The following PCMTD2 variants were observed in gnomAD, a reference collection of about 807,000 sequenced individuals.
The protein encoded by PCMTD2 is protein-L-isoaspartate O-methyltransferase domain-containing protein 2.
In PCMTD2, 16 loss-of-function variants were observed where a neutral mutation model predicts 33.4. The ratio of observed to expected loss-of-function variants is 0.48; its 90% CI spans 0.32 to 0.73. PCMTD2 has a LOEUF of 0.73. Among genes scored for constraint, PCMTD2 ranks in the 30% least tolerant of loss-of-function variants. The pLI is 0.03. For synonymous variants in PCMTD2, 161 were observed against 160.8 expected, an observed-to-expected ratio of 1.00 and a Z score of -0.01; for missense variants, 374 against 449.9, an observed-to-expected ratio of 0.83 and a Z score of 1.53.
At chr20:64,256,018 G>A (rs1475242836) in intron 1 of PCMTD2, 148 bp downstream of exon 1, 2 of 149,474 alleles carry the variant, frequency 1.3e-5, no homozygotes, top group Admixed American at 1.3e-4. Flanking sequence ...TCCCCACCTC[G>A]GGCACCCTCA....
Position 64,265,438 on chromosome 20 carries a change from C to G in PCMTD2, c.582+9C>G. On this transcript the variant is annotated intron_variant, in intron 4 of 5. Transcript: ENST00000308824. Reference sequence around the variant, plus strand: ...TGCCACTGGAAGAGAAGGTCAGATTCCCTTCATAACTGACATTTCTGCACA... The same window carrying G: ...TGCCACTGGAAGAGAAGGTCAGATTGCCTTCATAACTGACATTTCTGCACA... The G allele has an allele frequency of 6.2e-7, 1 of 1,600,766 alleles. No individual in the cohort carries two copies.
Position 64,273,370 on chromosome 20 carries a change from C to T in PCMTD2, c.856C>T (p.Arg286Ter), listed in dbSNP as rs1568738725. The T allele has an allele frequency of 1.2e-6, 2 of 1,614,114 alleles. No homozygotes were observed. The highest frequency in any genetic ancestry group is 8.5e-7 in the Non-Finnish European group (1 of 1,180,002). ...RFKRRRVRRR[R>*]METIVFLDKE... ...TAAACGAAGGAGAGTTCGCCGCCGT[C>T]GAATGGAAACGATTGTCTTTTTGGA... Residue 286 changes from arginine to a stop codon, truncating the protein, a stop_gained, in exon 6 of 6, where the codon CGA (arginine) becomes TGA (stop). Coordinates refer to ENST00000308824, the MANE Select transcript of PCMTD2 (RefSeq NM_018257.3). LOFTEE classifies it high-confidence loss of function.
In PCMTD2 at chr20:64,259,997, A is replaced by G. The variant is rs886280758; in HGVS notation, c.32A>G (p.Asn11Ser). Reference sequence around the variant, plus strand: ...GGTGCTGTGAGTGCTGGTGAAGACAATGATGAGCTGATAGATAATTTGAAA... The same window carrying G: ...GGTGCTGTGAGTGCTGGTGAAGACAGTGATGAGCTGATAGATAATTTGAAA... The part of the protein sequence containing the change: MGGAVSAGED[N>S]DELIDNLKEA... The change falls in exon 2 of 6, where the codon AAT becomes AGT. Residue 11 changes from asparagine (N) to serine (S), a missense_variant. Asn to Ser is a conservative substitution (Grantham distance 46, BLOSUM62 1). Coordinates refer to ENST00000308824, the MANE Select transcript of PCMTD2 (RefSeq NM_018257.3). 3 of 1,612,984 alleles carry G rather than the reference A, an allele frequency of 1.9e-6. No individual in the cohort carries two copies. The highest frequency in any genetic ancestry group is 2.7e-5 in the African/African-American group (2 of 74,914).
chr20:64,263,520 G>A (rs1292303892), intron 2 of PCMTD2, among the ~76,000 whole-genome samples: 1 of 152,182 alleles, frequency 6.6e-6, no homozygotes, highest in Non-Finnish European at 1.5e-5. Flanking sequence ...TGTCTACCAA[G>A]TAAAGTCCTA....
At chr20:64,260,309 T>G (rs1340312985) in intron 2 of PCMTD2, 37 bp downstream of exon 2, 1 of 1,451,374 alleles carries the variant, frequency 6.9e-7, no homozygotes, top group Non-Finnish European at 9.6e-7. Context: ...CTCATCTGTC[T>G]CAGGGAAGGA....
chr20:64,268,089 C>T, intron 5 of PCMTD2, 79 bp downstream of exon 5: 2 of 1,215,866 alleles, frequency 1.6e-6, no homozygotes, highest in East Asian at 2.4e-5. Flanking sequence ...ACAAAATTTA[C>T]AACAAACCTT....
intron 4 of PCMTD2, among the ~76,000 whole-genome samples, chr20:64,266,334 T>C (rs1360782875): frequency 6.6e-6 from 1 of 152,208 alleles, no homozygotes; most frequent in Non-Finnish European, 1.5e-5. Flanking sequence ...CTCAGCTTAG[T>C]GCAACCTCTG....
chr20:64,270,747 A>ATGTGAGGTGTT lies in PCMTD2; in HGVS notation c.707-2474_707-2473insTGTGAGGTGTT, dbSNP rs1568737355. On this transcript the variant is annotated intron_variant, in intron 5 of 5. Transcript: ENST00000308824. ...TGGTACAGTCCTTCTGAGGAAGGGCACGTGAGGTGTTCGTTGTGATACGTA... is the reference window on the plus strand; with the variant it reads ...TGGTACAGTCCTTCTGAGGAAGGGCATGTGAGGTGTTCGTGAGGTGTTCGTTGTGATACGTA... 6.7e-5 allele frequency among the ~76,000 whole-genome samples: 10 copies of ATGTGAGGTGTT among 150,000 alleles called. 3 individuals carry two copies. Among genetic ancestry groups the ATGTGAGGTGTT allele is most frequent in the African/African-American group, 2.5e-4 (10 of 39,972 alleles).
chr20:64,268,664 C>A (rs1219904182), intron 5 of PCMTD2, among the ~76,000 whole-genome samples: 1 of 149,912 alleles, frequency 6.7e-6, no homozygotes, highest in Non-Finnish European at 1.5e-5. Flanking sequence ...GCTCTCTGAT[C>A]ATTTAGAAAA....
chr20:64,258,430 G>T (rs1985260164), intron 1 of PCMTD2, among the ~76,000 whole-genome samples: 1 of 152,194 alleles, frequency 6.6e-6, no homozygotes, highest in Admixed American at 6.5e-5. Context: ...CTATTGATTT[G>T]CAAAACCTAA....
At chr20:64,266,553 G>A (rs1045979275) in intron 4 of PCMTD2, among the ~76,000 whole-genome samples, 6 of 152,120 alleles carry the variant, frequency 3.9e-5, no homozygotes, top group African/African-American at 9.7e-5. Context: ...CACCGTGCCC[G>A]GCCTAATTTT....
intron 2 of PCMTD2, among the ~76,000 whole-genome samples, chr20:64,261,709 T>C (rs182603960): frequency 6.6e-6 from 1 of 152,318 alleles, no homozygotes; most frequent in African/African-American, 2.4e-5. Context: ...AGTGTGTAGA[T>C]TTTTATAATG....
intron 2 of PCMTD2, among the ~76,000 whole-genome samples, chr20:64,260,753 T>C (rs1021962951): frequency 6.8e-6 from 1 of 147,668 alleles, no homozygotes; most frequent in South Asian, 2.2e-4. Context: ...TCGTCTAGGC[T>C]GGAGTGCCGT....
intron 5 of PCMTD2, among the ~76,000 whole-genome samples, chr20:64,270,722 T>C: frequency 1.3e-5 from 2 of 150,324 alleles, no homozygotes; most frequent in Non-Finnish European, 1.5e-5. Flanking sequence ...ATACATAAAA[T>C]GGTACAGTCC....
In PCMTD2 at chr20:64,260,228, G is replaced by C. The variant is rs1301019872; in HGVS notation, c.263G>C (p.Gly88Ala). ...LQPGLSFLNL[G>A]SGTGYLSSMV... is the part of the protein sequence containing the mutation. ...CCTGGACTCTCGTTTCTGAACCTGG[G>C]CAGTGGCACTGGGTATCTCAGCTCC... The change falls in exon 2 of 6, where the codon GGC becomes GCC. Residue 88 changes from glycine (G) to alanine (A), a missense_variant. Gly to Ala is a moderately conservative substitution (Grantham distance 60). Coordinates refer to ENST00000308824, the MANE Select transcript of PCMTD2 (RefSeq NM_018257.3). The C allele has an allele frequency of 2.5e-6, 4 of 1,613,860 alleles. No homozygotes were observed. Among genetic ancestry groups the C allele is most frequent in the Non-Finnish European group, 3.4e-6 (4 of 1,179,832 alleles).
At chr20:64,257,554 G>A (rs1160295918) in intron 1 of PCMTD2, among the ~76,000 whole-genome samples, 1 of 152,226 alleles carries the variant, frequency 6.6e-6, no homozygotes, top group Non-Finnish European at 1.5e-5. Flanking sequence ...GAGCTTTGTT[G>A]TCGGTGTTTT....
At chr20:64,262,810 G>GTCA (rs1985485796) in intron 2 of PCMTD2, 2 of 152,426 alleles carry the variant, frequency 1.3e-5, no homozygotes, top group African/African-American at 4.8e-5. Context: ...TGGCTCATAA[G>GTCA]TCACCTACCT....
Position 64,275,999 on chromosome 20 carries a change from A to T in PCMTD2, c.*2399A>T, listed in dbSNP as rs192858067. The T allele has an allele frequency of 6.6e-6, 1 of 152,250 alleles. No individual in the cohort carries two copies. Among genetic ancestry groups the T allele is most frequent in the Admixed American group, 6.5e-5 (1 of 15,292 alleles). 9.4% of individuals were successfully genotyped at this position (152,250 alleles called of 1,614,324 possible). On this transcript the variant is annotated 3_prime_UTR_variant, in exon 6 of 6. Transcript: ENST00000308824. ...GAGCTGGTAAACACAAATCATGTCA[A>T]TAAAGGTAGTCAGGATATTTTATCC...
chr20:64,266,296 C>T (rs73626471), intron 4 of PCMTD2, among the ~76,000 whole-genome samples: 1 of 152,120 alleles, frequency 6.6e-6, no homozygotes, highest in East Asian at 1.9e-4. Flanking sequence ...CTCGCTCTGT[C>T]GCCCAGGCTG....
Sources: gnomAD v4.1 joint callset for allele counts (sites outside exome capture counted in the v4.1 genomes callset) on GRCh38, gnomAD v4.1.1 for gene constraint, MANE v1.5 for transcripts, NCBI Gene and HGNC (gene_info 2026-07-23, HGNC 2026-07-21) for gene names.